The following XIRP2 variants were observed in gnomAD, a reference collection of about 807,000 sequenced individuals.
The protein encoded by XIRP2 is xin actin binding repeat containing 2.
XIRP2 carries 236 observed loss-of-function variants against 277.0 expected under a neutral mutation model. The ratio of observed to expected loss-of-function variants is 0.85; its 90% CI spans 0.77 to 0.95. The LOEUF is 0.95. XIRP2 is among the 40% of genes least tolerant of loss of function. The probability of loss-of-function intolerance (pLI) is 0.00; values close to 1 mark genes in which losing one functional copy is unlikely to be tolerated. For synonymous variants in XIRP2, 1,490 were observed against 1,416.5 expected (o/e 1.05, Z -1.17); for missense variants, 4,640 against 4,157.5 (o/e 1.12, Z -3.19).
At chr2:167,121,813 T>G (rs1691065198) in intron 2 of XIRP2, among the ~76,000 whole-genome samples, 1 of 152,174 alleles carries the variant, frequency 6.6e-6, no homozygotes, top group Non-Finnish European at 1.5e-5. Context: ...CATTAAAATC[T>G]GCATCTCATG....
chr2:167,235,554 G>A (rs1378016505), intron 5 of XIRP2, among the ~76,000 whole-genome samples: 1 of 151,910 alleles, frequency 6.6e-6, no homozygotes, highest in Non-Finnish European at 1.5e-5. Flanking sequence ...GTGATAGACA[G>A]AGTTCTGTTA....
intron 2 of XIRP2, among the ~76,000 whole-genome samples, chr2:166,913,469 C>T (rs180799893): frequency 6.6e-5 from 10 of 152,240 alleles, no homozygotes; most frequent in African/African-American, 1.4e-4. Context: ...AATCACCCAT[C>T]TTCTGTGTCG....
At chr2:167,209,473 G>A (rs535984376) in intron 3 of XIRP2, among the ~76,000 whole-genome samples, 1 of 152,150 alleles carries the variant, frequency 6.6e-6, no homozygotes, top group South Asian at 2.1e-4. Flanking sequence ...TCTTTTACTA[G>A]AGGTTATTTG....
In XIRP2 at chr2:167,259,454, G is replaced by A. The variant is rs1334378586; in HGVS notation, c.*1637G>A. On this transcript the variant is annotated 3_prime_UTR_variant, in exon 11 of 11. Coordinates refer to ENST00000409195, the MANE Select transcript of XIRP2 (RefSeq NM_152381.6). The stretch of plus-strand genomic sequence containing the variant: ...TTTATGAATTTGGATACCCTTTTGA[G>A]GAACTTGATGTAAACATGGTGTTCA... 1.6e-6 allele frequency: 2 copies of A among 1,272,556 alleles called. No homozygotes were observed. The highest frequency in any genetic ancestry group is 2.1e-6 in the Non-Finnish European group (2 of 941,430). 78.8% of individuals were successfully genotyped at this position (1,272,556 alleles called of 1,614,324 possible). A position where few individuals can be genotyped will look rare whatever the true frequency, so the allele number is the denominator to read the frequency against.
chr2:167,249,049 C>A lies in XIRP2; in HGVS notation c.7657C>A (p.Gln2553Lys). ...PLMIAEEKYRQQKEEIEKQKQ... is the reference protein window; with the variant it reads ...PLMIAEEKYRKQKEEIEKQKQ... The stretch of plus-strand genomic sequence containing the variant: ...AATGATTGCTGAAGAAAAATATAGA[C>A]AACAAAAAGAAGAAATTGAAAAACA... The change falls in exon 9 of 11, where the codon CAA becomes AAA. Residue 2553 changes from glutamine to lysine, a missense_variant. Transcript: ENST00000409195. The A allele has an allele frequency of 6.2e-7, 1 of 1,611,174 alleles. No individual in the cohort carries two copies. The highest frequency in any genetic ancestry group is 1.1e-5 in the South Asian group (1 of 90,408).
chr2:167,170,772 A>G (rs1167340512), intron 3 of XIRP2, among the ~76,000 whole-genome samples: 2 of 151,668 alleles, frequency 1.3e-5, no homozygotes, highest in Non-Finnish European at 2.9e-5. Context: ...TCTTTATGGT[A>G]CATTTCTATT....
At chr2:166,938,272 C>A (rs1311044242) in intron 2 of XIRP2, among the ~76,000 whole-genome samples, 2 of 152,164 alleles carry the variant, frequency 1.3e-5, no homozygotes, top group South Asian at 2.1e-4. Context: ...TTATCTGAGT[C>A]CCAGAAATTC....
At chr2:166,971,852 A>C (rs1231845167) in intron 2 of XIRP2, among the ~76,000 whole-genome samples, 1 of 152,158 alleles carries the variant, frequency 6.6e-6, no homozygotes, top group Non-Finnish European at 1.5e-5. Context: ...ACTTGGGTGA[A>C]GGGCATTGAT....
In XIRP2 at chr2:167,082,468, G is replaced by T. The variant is rs561197628; in HGVS notation, c.409-53441G>T. Among the ~76,000 whole-genome samples, 31 of 151,998 alleles carry T rather than the reference G, an allele frequency of 2.0e-4. No homozygotes were observed. The South Asian group carries it at 6.5e-3, about 32-fold the overall frequency. Reference sequence around the variant, plus strand: ...TTCTTTGGGTATATACCCAGTAATGGGATGGCTGGGTCAAATGGTATTTCT... The same window carrying T: ...TTCTTTGGGTATATACCCAGTAATGTGATGGCTGGGTCAAATGGTATTTCT... On this transcript the variant is annotated intron_variant, in intron 2 of 10. Transcript: ENST00000409195.
rs141338584 is a variant in XIRP2 at position 167,095,114 on chromosome 2, T to C, written c.409-40795T>C. 4.7e-3 allele frequency among the ~76,000 whole-genome samples: 715 copies of C among 152,218 alleles called. 5 individuals are homozygous for C. The highest frequency in any genetic ancestry group is 0.017 in the African/African-American group (697 of 41,562). ...TAATTTACTCATGATTTGGCTTTGT[T>C]TGTCTATTATTGATGTATAGGAATG... On this transcript the variant is annotated intron_variant, in intron 2 of 10. Coordinates refer to ENST00000409195, the MANE Select transcript of XIRP2 (RefSeq NM_152381.6).
intron 3 of XIRP2, among the ~76,000 whole-genome samples, chr2:167,164,719 A>T (rs1388778872): frequency 6.6e-6 from 1 of 152,126 alleles, no homozygotes; most frequent in Non-Finnish European, 1.5e-5. Flanking sequence ...TTAGATTTTT[A>T]ATGGACATTA....
chr2:166,985,721 G>A (rs547778942), intron 2 of XIRP2, among the ~76,000 whole-genome samples: 33 of 152,026 alleles, frequency 2.2e-4, no homozygotes, highest in African/African-American at 7.0e-4. Context: ...GAGCCACCGC[G>A]CCCGGCCTAA....
chr2:167,012,132 A>G (rs1360023525), intron 2 of XIRP2, among the ~76,000 whole-genome samples: 1 of 151,664 alleles, frequency 6.6e-6, no homozygotes, highest in Non-Finnish European at 1.5e-5. Flanking sequence ...TTGCTTTTCT[A>G]GTTCTTTTAA....
chr2:167,219,528 A>G (rs950674492), intron 5 of XIRP2, among the ~76,000 whole-genome samples: 3 of 152,216 alleles, frequency 2.0e-5, no homozygotes, highest in African/African-American at 7.2e-5. Context: ...CTGGGTTTAC[A>G]CACCACCTCT....
intron 2 of XIRP2, among the ~76,000 whole-genome samples, chr2:166,915,464 G>C (rs1422169364): frequency 6.6e-6 from 1 of 152,030 alleles, no homozygotes; most frequent in Admixed American, 6.6e-5. Context: ...CTTAACTCTG[G>C]TTGCCCAGTT....
chr2:167,072,392 C>G (rs138201972), intron 2 of XIRP2, among the ~76,000 whole-genome samples: 1 of 152,246 alleles, frequency 6.6e-6, no homozygotes, highest in African/African-American at 2.4e-5. Context: ...CCTTTCTCCA[C>G]CTTCTGCCTG....
At chr2:167,176,947 C>T (rs547060709) in intron 3 of XIRP2, among the ~76,000 whole-genome samples, 1 of 152,252 alleles carries the variant, frequency 6.6e-6, no homozygotes, top group South Asian at 2.1e-4. Context: ...TGTACATGGT[C>T]ACTGTCTTGC....
chr2:167,228,157 T>TACTA (rs1227010398), intron 5 of XIRP2, among the ~76,000 whole-genome samples: 1 of 152,208 alleles, frequency 6.6e-6, no homozygotes, highest in African/African-American at 2.4e-5. Flanking sequence ...TTCTGTGTTC[T>TACTA]ACTAACATGA....
chr2:166,964,039 GA>G (rs1686364968), intron 2 of XIRP2, among the ~76,000 whole-genome samples: 1 of 151,638 alleles, frequency 6.6e-6, no homozygotes, highest in Admixed American at 6.6e-5. Flanking sequence ...ACTTGGGGAT[GA>G]AGTGAATGTG....
Sources: allele counts gnomAD v4.1 joint callset (sites outside exome capture counted in the v4.1 genomes callset), GRCh38; gene constraint gnomAD v4.1.1; transcripts MANE v1.5; gene names NCBI Gene and HGNC (gene_info 2026-07-23, HGNC 2026-07-21).